The following TAF3 variants were observed in gnomAD, a reference collection of about 807,000 sequenced individuals.
TAF3 encodes the protein transcription initiation factor TFIID subunit 3.
In TAF3, 7 loss-of-function variants were observed where a neutral mutation model predicts 80.6. The observed-to-expected ratio is 0.09, with a 90% CI of 0.05 to 0.16. TAF3 has a LOEUF of 0.16. Ranked by LOEUF, TAF3 falls within the 10% of genes least tolerant of loss-of-function variation. TAF3 has a pLI of 1.00. For synonymous variants in TAF3, 444 were observed against 446.1 expected (o/e 1.00, Z 0.06); for missense variants, 921 against 1,140.2 (o/e 0.81, Z 2.77).
At chr10:7,910,626 C>G (rs564490412) in intron 2 of TAF3, among the ~76,000 whole-genome samples, 3 of 152,268 alleles carry the variant, frequency 2.0e-5, no homozygotes, top group South Asian at 2.1e-4. Flanking sequence ...AATGATCCAC[C>G]CACCTCGGCC....
chr10:7,828,933 G>A (rs1836770564), intron 2 of TAF3, among the ~76,000 whole-genome samples: 1 of 144,488 alleles, frequency 6.9e-6, no homozygotes, highest in African/African-American at 2.5e-5. Flanking sequence ...GGGAGGCTGA[G>A]ATGGGAGAAT....
chr10:7,954,053 G>A (rs879028786), intron 2 of TAF3, among the ~76,000 whole-genome samples: 23 of 125,400 alleles, frequency 1.8e-4, no homozygotes, highest in African/African-American at 3.1e-4. Flanking sequence ...CTCCATAGGC[G>A]AATGAGTGAA....
chr10:7,840,625 G>A (rs1836903209), intron 2 of TAF3, among the ~76,000 whole-genome samples: 1 of 151,718 alleles, frequency 6.6e-6, no homozygotes, highest in Non-Finnish European at 1.5e-5. Context: ...TTTCCCACGT[G>A]TGTGAGGGGA....
rs117924661 is a variant in TAF3 at position 7,888,269 on chromosome 10, C to T, written c.409+63709C>T. Reference sequence around the variant, plus strand: ...ATTTTTTTGCTTCTTTACTCCTTAACCTTCCTAAGCTTTCCTCACTCTAAC... The same window carrying T: ...ATTTTTTTGCTTCTTTACTCCTTAATCTTCCTAAGCTTTCCTCACTCTAAC... On this transcript the variant is annotated intron_variant, in intron 2 of 6. Coordinates refer to ENST00000344293, the MANE Select transcript of TAF3 (RefSeq NM_031923.4). 3.7e-3 allele frequency among the ~76,000 whole-genome samples: 561 copies of T among 152,294 alleles called. 29 individuals are homozygous for T. The East Asian group carries it at 0.094, about 26-fold the overall frequency.
chr10:7,936,777 A>G lies in TAF3; in HGVS notation c.410-27143A>G, dbSNP rs77942600. 6.5e-3 allele frequency among the ~76,000 whole-genome samples: 982 copies of G among 152,216 alleles called. 9 individuals are homozygous for G. Among genetic ancestry groups the G allele is most frequent in the Middle Eastern group, 0.031 (9 of 294 alleles). ...AAACGTATAAAGACATGTATCTACC[A>G]TTGCAGTATCATACAGACTAGTTGT... On this transcript the variant is annotated intron_variant, in intron 2 of 6. Transcript: ENST00000344293.
chr10:7,870,526 C>T (rs542463224), intron 2 of TAF3, among the ~76,000 whole-genome samples: 1 of 152,128 alleles, frequency 6.6e-6, no homozygotes, highest in Admixed American at 6.5e-5. Context: ...ATGTAAACTT[C>T]ATTTTTCTAT....
intron 2 of TAF3, among the ~76,000 whole-genome samples, chr10:7,923,359 C>T (rs888097848): frequency 6.6e-6 from 1 of 151,636 alleles, no homozygotes; most frequent in African/African-American, 2.4e-5. Context: ...TGTTTATTAC[C>T]TTTTGTTATA....
intron 2 of TAF3, among the ~76,000 whole-genome samples, chr10:7,918,029 C>T (rs1001660318): frequency 6.6e-6 from 1 of 152,090 alleles, no homozygotes; most frequent in Non-Finnish European, 1.5e-5. Context: ...TTTGTTAGTT[C>T]TGTTTTGTTT....
intron 2 of TAF3, among the ~76,000 whole-genome samples, chr10:7,949,631 A>G (rs538502686): frequency 6.6e-6 from 1 of 152,366 alleles, no homozygotes; most frequent in Admixed American, 6.5e-5. Flanking sequence ...CAACTGTAAA[A>G]TTCCGTTGAT....
At chr10:7,961,029 T>C (rs1248729036) in intron 2 of TAF3, among the ~76,000 whole-genome samples, 1 of 152,196 alleles carries the variant, frequency 6.6e-6, no homozygotes, top group Non-Finnish European at 1.5e-5. Context: ...GATTTGCGTG[T>C]TCGGAAGATC....
chr10:7,849,000 C>T (rs1321363963), intron 2 of TAF3, among the ~76,000 whole-genome samples: 1 of 152,060 alleles, frequency 6.6e-6, no homozygotes, highest in African/African-American at 2.4e-5. Flanking sequence ...ATGGTAGTAA[C>T]AAAGGGAAAT....
chr10:8,013,713 C>A lies in TAF3; in HGVS notation c.2569-18C>A. The A allele has an allele frequency of 2.5e-6, 4 of 1,607,968 alleles. No homozygotes were observed. The African/African-American group carries it at 4.0e-5, about 16-fold the overall frequency. ...CCCATTCCCTCCATTTTTGCCGCTTCCGCTTTGCAAACATCAGATCCGAGA... is the reference window on the plus strand; with the variant it reads ...CCCATTCCCTCCATTTTTGCCGCTTACGCTTTGCAAACATCAGATCCGAGA... On this transcript the variant is annotated intron_variant, in intron 5 of 6. Transcript: ENST00000344293.
At chr10:7,839,070 C>T (rs1469263839) in intron 2 of TAF3, among the ~76,000 whole-genome samples, 4 of 151,930 alleles carry the variant, frequency 2.6e-5, no homozygotes, top group Non-Finnish European at 4.4e-5. Flanking sequence ...CCTGTGTGAT[C>T]GGACTCCTGC....
rs765867561 is a variant in TAF3 at position 7,824,410 on chromosome 10, A to G, written c.259A>G (p.Ile87Val). The G allele has an allele frequency of 1.9e-6, 3 of 1,614,194 alleles. No homozygotes were observed. Among genetic ancestry groups the G allele is most frequent in the East Asian group, 4.5e-5 (2 of 44,878 alleles). ...TGAACTAGAAGACTATATTCACAAC[A>G]TTGAGCCTGTCACCTTCCCACACCA... Reference protein sequence around the residue: ...LHELEDYIHNIEPVTFPHQIP... With the variant: ...LHELEDYIHNVEPVTFPHQIP... The change falls in exon 2 of 7, where the codon ATT becomes GTT. Residue 87 changes from isoleucine to valine, a missense_variant. Ile to Val is a conservative substitution (Grantham distance 29, BLOSUM62 3). Around this residue, in one of 6 missense-constraint regions of TAF3, gnomAD observed 106 missense variants for 191.8 expected, o/e 0.55. Coordinates refer to ENST00000344293, the MANE Select transcript of TAF3 (RefSeq NM_031923.4).
chr10:7,992,500 G>GCACATTTTCCCCTAAGAAATTTCCGT (rs1554788408), intron 4 of TAF3, among the ~76,000 whole-genome samples: 2 of 152,040 alleles, frequency 1.3e-5, no homozygotes, highest in South Asian at 2.1e-4. Context: ...AGTTCAAGGT[G>GCACATTTTCCCCTAAGAAATTTCCGT]ATTACTCCCA....
chr10:7,895,781 A>G (rs905522260), intron 2 of TAF3, among the ~76,000 whole-genome samples: 3 of 152,190 alleles, frequency 2.0e-5, no homozygotes, highest in Admixed American at 6.5e-5. Flanking sequence ...GGATGACAGT[A>G]TCTGTTTCTT....
In TAF3 at chr10:7,836,959, G is replaced by A. The variant is rs12774248; in HGVS notation, c.409+12399G>A. 5.5e-3 allele frequency among the ~76,000 whole-genome samples: 842 copies of A among 152,336 alleles called. 8 individuals carry two copies. Among genetic ancestry groups the A allele is most frequent in the South Asian group, 0.023 (113 of 4,820 alleles). ...GAAAAGAGCTTTGGTTGAGTGTGAT[G>A]GCTCATGCCTATAATCCCAGCACTT... is the stretch of plus-strand genomic sequence containing the variant. On this transcript the variant is annotated intron_variant, in intron 2 of 6. Coordinates refer to ENST00000344293, the MANE Select transcript of TAF3 (RefSeq NM_031923.4).
At chr10:7,900,443 A>G (rs1837547518) in intron 2 of TAF3, among the ~76,000 whole-genome samples, 1 of 152,206 alleles carries the variant, frequency 6.6e-6, no homozygotes, top group South Asian at 2.1e-4. Context: ...AGCTTTGTAC[A>G]TGACTGCTAC....
Position 8,009,286 on chromosome 10 carries a change from G to T in TAF3, c.2524G>T (p.Ala842Ser). 6.3e-7 allele frequency: 1 copy of T among 1,584,490 alleles called. No homozygotes were observed. Among genetic ancestry groups the T allele is most frequent in the Non-Finnish European group, 8.6e-7 (1 of 1,167,940 alleles). Residue 842 changes from alanine (A) to serine (S), a missense_variant, in exon 5 of 7, where the codon GCC (alanine) becomes TCC (serine). Around this residue, in one of 6 missense-constraint regions of TAF3, gnomAD observed 27 missense variants for 42.5 expected, o/e 0.64. Transcript: ENST00000344293. The surrounding 1 kb of genome is among the most constrained non-coding windows in gnomAD (Gnocchi z 4.1). ...CGCCGCCTCCGGGGCCAGTGCCAAA[G>T]CCCCCGTGCGCAGCGTGGTGACTGA... ...GPAASGASAK[A>S]PVRSVVTETV...
Sources: allele counts gnomAD v4.1 joint callset (sites outside exome capture counted in the v4.1 genomes callset), GRCh38; gene constraint gnomAD v4.1.1; regional missense constraint gnomAD v4.1.1; non-coding constraint Gnocchi (gnomAD v3.1); transcripts MANE v1.5; gene names NCBI Gene and HGNC (gene_info 2026-07-23, HGNC 2026-07-21).